ENTPD4: variants seen among roughly 807,000 people sequenced by gnomAD.
ENTPD4 encodes ectonucleoside triphosphate diphosphohydrolase 4.
In ENTPD4, 60 loss-of-function variants were observed where a neutral mutation model predicts 79.1. That is an observed-to-expected ratio of 0.76 (90% CI 0.62 to 0.94). The LOEUF is 0.94. Among genes scored for constraint, ENTPD4 ranks in the 40% least tolerant of loss-of-function variants. The pLI is 0.00. For synonymous variants in ENTPD4, 276 were observed against 292.0 expected (o/e 0.95, Z 0.56); for missense variants, 772 against 775.1 (o/e 1.00, Z 0.05).
intron 11 of ENTPD4, 122 bp from the exon 12 acceptor site, chr8:23,434,600 G>A (rs1434384419): frequency 3.4e-5 from 51 of 1,500,396 alleles, no homozygotes; most frequent in African/African-American, 8.4e-5. Context: ...TCCTCAGGCC[G>A]GCTCTCCCAA....
At chr8:23,444,242 G>A (rs934379266) in intron 5 of ENTPD4, among the ~76,000 whole-genome samples, 6 of 152,174 alleles carry the variant, frequency 3.9e-5, no homozygotes, top group Non-Finnish European at 5.9e-5. Flanking sequence ...CACCTTTACC[G>A]TTGCCTATAG....
In ENTPD4 at chr8:23,448,937, A is replaced by C. The variant is rs146692354; in HGVS notation, c.11T>G (p.Ile4Ser). MGR[I>S]GISCLFPASW... is the part of the protein sequence containing the mutation. ...AGCAGGAAAAAGACAGGAGATGCCA[A>C]TCCTGAAATTAGAAGGAAAAAGATT... The change falls in exon 3 of 13, where the codon ATT becomes AGT. Residue 4 changes from isoleucine (I) to serine (S), a missense_variant and splice_region_variant. By Grantham distance (142) the Ile-to-Ser change is moderately radical. Coordinates refer to ENST00000358689, the MANE Select transcript of ENTPD4 (RefSeq NM_004901.5). 2.5e-6 allele frequency: 4 copies of C among 1,612,002 alleles called. No individual in the cohort carries two copies. In the South Asian group the frequency reaches 4.4e-5, roughly 18 times the overall value.
intron 6 of ENTPD4, among the ~76,000 whole-genome samples, chr8:23,442,513 G>A (rs1028588249): frequency 9.9e-5 from 15 of 152,038 alleles, no homozygotes; most frequent in African/African-American, 3.4e-4. Context: ...GTGAAACCCC[G>A]TCTCTACTAA....
At position 23,430,264 on chromosome 8, in the gene ENTPD4, C is replaced by T. The variant is rs1384040580; in HGVS notation, c.*2662G>A. ...GGCATAATGAACTCCCTTGAGTGGTCTCTTTTTAAACAATTTTGGGTGAGG... is the reference window on the plus strand; with the variant it reads ...GGCATAATGAACTCCCTTGAGTGGTTTCTTTTTAAACAATTTTGGGTGAGG... On this transcript the variant is annotated 3_prime_UTR_variant, in exon 13 of 13. Coordinates refer to ENST00000358689, the MANE Select transcript of ENTPD4 (RefSeq NM_004901.5). 1.0e-6 allele frequency: 1 copy of T among 985,286 alleles called. No individual in the cohort carries two copies. Among genetic ancestry groups the T allele is most frequent in the Non-Finnish European group, 1.2e-6 (1 of 829,946 alleles). 61.0% of individuals were successfully genotyped at this position (985,286 alleles called of 1,614,324 possible). A position where few individuals can be genotyped will look rare whatever the true frequency, so the allele number is the denominator to read the frequency against.
chr8:23,432,167 TA>T lies in ENTPD4; in HGVS notation c.*758del, dbSNP rs372491459. 4,930 of 757,928 alleles carry T rather than the reference TA, an allele frequency of 6.5e-3. 10 individuals carry two copies. Among genetic ancestry groups the T allele is most frequent in the African/African-American group, 0.025 (1,299 of 51,976 alleles). 47.0% of individuals were successfully genotyped at this position (757,928 alleles called of 1,614,324 possible). A position where few individuals can be genotyped will look rare whatever the true frequency, so the allele number is the denominator to read the frequency against. ...TACAGTAACAGACCTGAACAATAAA[TA>T]AAAAAAAAAATCACCCTCTTCAGGT... is the stretch of plus-strand genomic sequence containing the variant. On this transcript the variant is annotated 3_prime_UTR_variant, in exon 13 of 13. Coordinates refer to ENST00000358689, the MANE Select transcript of ENTPD4 (RefSeq NM_004901.5).
intron 1 of ENTPD4, among the ~76,000 whole-genome samples, chr8:23,454,535 T>C (rs1459161371): frequency 6.6e-6 from 1 of 152,168 alleles, no homozygotes. Flanking sequence ...GGATTCTTGT[T>C]ATAAGAGCTC....
intron 1 of ENTPD4, among the ~76,000 whole-genome samples, chr8:23,454,078 T>A (rs757585835): frequency 6.6e-6 from 1 of 152,250 alleles, no homozygotes; most frequent in Non-Finnish European, 1.5e-5. Flanking sequence ...TCAGGTATCA[T>A]CTTTATTTTC....
chr8:23,438,957 A>C (rs1436165293), intron 9 of ENTPD4, among the ~76,000 whole-genome samples: 1 of 152,200 alleles, frequency 6.6e-6, no homozygotes, highest in East Asian at 1.9e-4. Flanking sequence ...TAGCTCTATG[A>C]ACTAGGATTT....
At chr8:23,441,300 A>C (rs180858263) in intron 8 of ENTPD4, 1 of 377,254 alleles carries the variant, frequency 2.7e-6, no homozygotes, top group Admixed American at 6.4e-5. Context: ...TGAAGAGAAA[A>C]TATAAACTGA....
rs75317155 is a variant in ENTPD4, at chr8:23,441,960, A to C, written c.727+47T>G. 1,067 of 1,522,290 alleles carry C rather than the reference A, an allele frequency of 7.0e-4. 7 individuals carry two copies. The East Asian group carries it at 0.021, about 31-fold the overall frequency. 94.3% of individuals were successfully genotyped at this position (1,522,290 alleles called of 1,614,324 possible). ...TTTCAGCCTTTGGATTAAACAGAAA[A>C]GCACCAATTTCCAACTAGATACATT... is the stretch of plus-strand genomic sequence containing the variant. On this transcript the variant is annotated intron_variant, in intron 7 of 12. Transcript: ENST00000358689.
At position 23,433,038 on chromosome 8, in the gene ENTPD4, A is replaced by C; in HGVS notation, c.1739T>G (p.Leu580Arg). 6.2e-7 allele frequency: 1 copy of C among 1,614,200 alleles called. No homozygotes were observed. The highest frequency in any genetic ancestry group is 8.5e-7 in the Non-Finnish European group (1 of 1,180,034). ...CFLVVLLAIL[L>R]YLLRLRRIHR... The stretch of plus-strand genomic sequence containing the variant: ...GATGCGCCGCAGCCGCAGCAGGTAC[A>C]GCAGGATGGCCAGCAGCACCACCAG... Residue 580 changes from leucine to arginine, a missense_variant, in exon 13 of 13, where the codon CTG (leucine) becomes CGG (arginine). Transcript: ENST00000358689.
At position 23,430,582 on chromosome 8, in the gene ENTPD4, A is replaced by T. The variant is rs555621143; in HGVS notation, c.*2344T>A. 7 of 984,806 alleles carry T rather than the reference A, an allele frequency of 7.1e-6. No individual in the cohort carries two copies. The African/African-American group carries it at 1.0e-4, about 15-fold the overall frequency. The allele number at this position is 984,806 out of a possible 1,614,324, so 61.0% of individuals were successfully genotyped here. Reference sequence around the variant, plus strand: ...ATATAGTGTCTGCTGCATATTCTTCAACGTTTTTTCTTAGGCAACTGTTTA... The same window carrying T: ...ATATAGTGTCTGCTGCATATTCTTCTACGTTTTTTCTTAGGCAACTGTTTA... On this transcript the variant is annotated 3_prime_UTR_variant, in exon 13 of 13. Transcript: ENST00000358689.
At chr8:23,449,777 C>G (rs551649281) in intron 2 of ENTPD4, 116 bp downstream of exon 2, 2 of 925,174 alleles carry the variant, frequency 2.2e-6, no homozygotes, top group African/African-American at 1.6e-5. Context: ...AGGTCTTAAA[C>G]AGAAGCACAG....
In ENTPD4 at chr8:23,429,729, T is replaced by A; in HGVS notation, c.*3197A>T. On this transcript the variant is annotated 3_prime_UTR_variant, in exon 13 of 13. Transcript: ENST00000358689. ...GGACCTACCCAGCCTTCAGGGTGGC[T>A]GGGCAGGGGCCCCATGTTACTGGCC... 1.0e-6 allele frequency: 1 copy of A among 985,450 alleles called. No homozygotes were observed. The highest frequency in any genetic ancestry group is 1.2e-6 in the Non-Finnish European group (1 of 829,940). The allele number at this position is 985,450 out of a possible 1,614,324, so 61.0% of individuals were successfully genotyped here. A position where few individuals can be genotyped will look rare whatever the true frequency, so the allele number is the denominator to read the frequency against.
intron 9 of ENTPD4, among the ~76,000 whole-genome samples, chr8:23,437,513 C>T (rs4571739): frequency 0.14 from 20,934 of 152,146 alleles, 1,677 homozygotes; most frequent in Admixed American, 0.18. Context: ...ACCCGATTAG[C>T]CGACGATCCT....
intron 1 of ENTPD4, among the ~76,000 whole-genome samples, chr8:23,451,797 T>G (rs535275176): frequency 2.0e-4 from 31 of 152,318 alleles, no homozygotes; most frequent in Non-Finnish European, 3.1e-4. Context: ...TTTCATTCCC[T>G]TCAGGTCTTT....
At position 23,430,872 on chromosome 8, in the gene ENTPD4, C is replaced by T. The variant is rs1004907008; in HGVS notation, c.*2054G>A. ...AATCCATGGCTCCTCCAGGAAGTGT[C>T]GCAGGCAGGTGGCCAAGACCAACTT... On this transcript the variant is annotated 3_prime_UTR_variant, in exon 13 of 13. Coordinates refer to ENST00000358689, the MANE Select transcript of ENTPD4 (RefSeq NM_004901.5). 4.6e-5 allele frequency: 45 copies of T among 985,548 alleles called. No homozygotes were observed. The highest frequency in any genetic ancestry group is 1.4e-4 in the South Asian group (3 of 21,292). 61.1% of individuals were successfully genotyped at this position (985,548 alleles called of 1,614,324 possible).
intron 1 of ENTPD4, among the ~76,000 whole-genome samples, chr8:23,457,318 G>A (rs1057240802): frequency 2.1e-5 from 3 of 145,022 alleles, no homozygotes; most frequent in African/African-American, 8.5e-5. Flanking sequence ...GCCAGGGGCT[G>A]GGGGAGCGCG....
intron 11 of ENTPD4, chr8:23,434,791 G>T: frequency 1.0e-6 from 1 of 989,402 alleles, no homozygotes; most frequent in Non-Finnish European, 1.3e-6. Context: ...AATGAATACT[G>T]AACAGGTTCC....
Sources: allele counts gnomAD v4.1 joint callset (sites outside exome capture counted in the v4.1 genomes callset), GRCh38; gene constraint gnomAD v4.1.1; transcripts MANE v1.5; gene names NCBI Gene and HGNC (gene_info 2026-07-23, HGNC 2026-07-21).